The following MIPEP variants were observed in gnomAD, a reference collection of about 807,000 sequenced individuals.
The protein encoded by MIPEP is mitochondrial intermediate peptidase.
Under a neutral mutation model 90.3 loss-of-function variants are expected in MIPEP, and 79 were observed. The observed-to-expected ratio is 0.87, with a 90% CI of 0.73 to 1.05. The LOEUF is 1.05. MIPEP is among the 50% of genes least tolerant of loss of function. MIPEP has a pLI of 0.00. For synonymous variants in MIPEP, 334 were observed against 315.8 expected (o/e 1.06, Z -0.61); for missense variants, 940 against 905.6 (o/e 1.04, Z -0.49).
chr13:23,847,593 C>T (rs1869605872), intron 10 of MIPEP, among the ~76,000 whole-genome samples: 1 of 152,002 alleles, frequency 6.6e-6, no homozygotes, highest in Non-Finnish European at 1.5e-5. Context: ...GACTGACAGG[C>T]CTATAAACCA....
chr13:23,776,829 A>AG (rs1490737719), intron 16 of MIPEP, among the ~76,000 whole-genome samples: 1 of 152,044 alleles, frequency 6.6e-6, no homozygotes, highest in Admixed American at 6.6e-5. Context: ...TAAAAAAAAA[A>AG]AAGAAGAAAA....
intron 14 of MIPEP, among the ~76,000 whole-genome samples, chr13:23,817,973 AAAAAT>A (rs1953261079): frequency 1.3e-5 from 2 of 152,216 alleles, no homozygotes; most frequent in African/African-American, 4.8e-5. Context: ...ATGAAAGCAG[AAAAAT>A]AAAATGAGGT....
chr13:23,816,645 T>A (rs1366483891), intron 14 of MIPEP, among the ~76,000 whole-genome samples: 1 of 152,184 alleles, frequency 6.6e-6, no homozygotes, highest in Admixed American at 6.5e-5. Context: ...GTTATTCTAG[T>A]TGTTAGTTAT....
intron 16 of MIPEP, among the ~76,000 whole-genome samples, chr13:23,793,641 T>C (rs1035725104): frequency 3.9e-5 from 6 of 152,078 alleles, no homozygotes; most frequent in Non-Finnish European, 1.5e-5. Context: ...ATGCTGTTCT[T>C]TGAGGTTCAC....
intron 14 of MIPEP, among the ~76,000 whole-genome samples, chr13:23,816,951 G>A (rs1000377121): frequency 2.0e-5 from 3 of 152,112 alleles, no homozygotes; most frequent in Admixed American, 6.6e-5. Flanking sequence ...CCCTTTGTAC[G>A]GCAGTCAACC....
rs1453811015 is a variant in MIPEP, at chr13:23,882,295, T to G, written c.364-508A>C. Among the ~76,000 whole-genome samples the G allele has an allele frequency of 2.6e-5, 4 of 152,294 alleles. 1 individual carries two copies. Among genetic ancestry groups the G allele is most frequent in the Non-Finnish European group, 1.5e-5 (1 of 68,002 alleles). The stretch of plus-strand genomic sequence containing the variant: ...ATATTCTACAACTTTCTGGCTAAAA[T>G]TCTTTGCAGTATGGTTTTCACATGT... On this transcript the variant is annotated intron_variant, in intron 2 of 18. Transcript: ENST00000382172.
chr13:23,880,922 T>C (rs1310464820), intron 3 of MIPEP, among the ~76,000 whole-genome samples: 5 of 152,208 alleles, frequency 3.3e-5, no homozygotes, highest in Non-Finnish European at 7.3e-5. Context: ...TTTTCCCTGT[T>C]GTAAATCCAC....
chr13:23,882,784 G>A (rs1018158681), intron 2 of MIPEP, among the ~76,000 whole-genome samples: 13 of 151,898 alleles, frequency 8.6e-5, no homozygotes, highest in Non-Finnish European at 1.5e-4. Flanking sequence ...TGGTATATTT[G>A]TTGTAACAAT....
At chr13:23,743,294 T>C (rs577722943) in intron 18 of MIPEP, among the ~76,000 whole-genome samples, 1 of 152,322 alleles carries the variant, frequency 6.6e-6, no homozygotes, top group Admixed American at 6.5e-5. Context: ...CTTAAGTGAA[T>C]TTTATGAGAT....
intron 16 of MIPEP, among the ~76,000 whole-genome samples, chr13:23,780,346 T>C (rs1952767106): frequency 6.6e-6 from 1 of 152,188 alleles, no homozygotes; most frequent in South Asian, 2.1e-4. Flanking sequence ...GCAAACTGGG[T>C]CTGGAGTGGA....
At chr13:23,760,558 T>C in intron 16 of MIPEP, 1 of 549,266 alleles carries the variant, frequency 1.8e-6, no homozygotes, top group Non-Finnish European at 3.7e-6. Flanking sequence ...GGAGGAAAGG[T>C]GGATGCCAGG....
chr13:23,812,106 C>G (rs1953178106), intron 14 of MIPEP, among the ~76,000 whole-genome samples: 1 of 152,150 alleles, frequency 6.6e-6, no homozygotes, highest in African/African-American at 2.4e-5. Context: ...GGGGCACAAA[C>G]AGTGGGCAAC....
rs141767024 is a variant in MIPEP at position 23,807,265 on chromosome 13, A to G, written c.1729-1196T>C. ...AAGCATTTTTTCACTGCAACATCTG[A>G]CTCAAATATTGTTTTTCAACACTGA... is the stretch of plus-strand genomic sequence containing the variant. On this transcript the variant is annotated intron_variant, in intron 15 of 18. Transcript: ENST00000382172. 3.7e-3 allele frequency among the ~76,000 whole-genome samples: 562 copies of G among 152,350 alleles called. 5 individuals are homozygous for G. Among genetic ancestry groups the G allele is most frequent in the Non-Finnish European group, 5.0e-3 (340 of 68,036 alleles).
rs538309397 is a variant in MIPEP at position 23,881,100 on chromosome 13, AAAT to A, written c.452+596_452+598del. ...TCACATTTACCCCAAAATCACTTTA[AAAT>A]AATTCACTCTATCACAGCCTCAGCC... On this transcript the variant is annotated intron_variant, in intron 3 of 18. Transcript: ENST00000382172. Among the ~76,000 whole-genome samples the A allele has an allele frequency of 1.6e-4, 24 of 152,312 alleles. No homozygotes were observed. In the South Asian group the frequency reaches 5.0e-3, roughly 32 times the overall value.
intron 10 of MIPEP, among the ~76,000 whole-genome samples, chr13:23,857,837 A>T (rs1870113221): frequency 6.6e-6 from 1 of 152,232 alleles, no homozygotes; most frequent in Admixed American, 6.5e-5. Flanking sequence ...GCTGAAATAA[A>T]TAATTAAGCA....
intron 3 of MIPEP, among the ~76,000 whole-genome samples, chr13:23,880,683 T>A (rs1871238064): frequency 6.6e-6 from 1 of 152,174 alleles, no homozygotes; most frequent in African/African-American, 2.4e-5. Flanking sequence ...GTATCTGCAC[T>A]CTGCAGGGCC....
chr13:23,746,015 C>CTTTTTTT (rs34752143), intron 18 of MIPEP, among the ~76,000 whole-genome samples: 1 of 135,034 alleles, frequency 7.4e-6, no homozygotes, highest in Admixed American at 7.4e-5. Flanking sequence ...ACTCAGCACA[C>CTTTTTTT]TTTTTTTTTT....
chr13:23,871,216 C>T (rs1870792282), intron 5 of MIPEP, among the ~76,000 whole-genome samples: 1 of 152,154 alleles, frequency 6.6e-6, no homozygotes, highest in African/African-American at 2.4e-5. Flanking sequence ...GTGGATGGTG[C>T]GGACACATCT....
rs1291832420 is a variant in MIPEP, at chr13:23,881,786, G to C, written c.365C>G (p.Ala122Gly). The C allele has an allele frequency of 1.9e-6, 3 of 1,612,104 alleles. No individual in the cohort carries two copies. The highest frequency in any genetic ancestry group is 1.1e-5 in the South Asian group (1 of 90,832). The change falls in exon 3 of 19, where the codon GCT becomes GGT. Residue 122 changes from alanine (A) to glycine (G), a missense_variant and splice_region_variant. Coordinates refer to ENST00000382172, the MANE Select transcript of MIPEP (RefSeq NM_005932.4). ...SDSLCRVADL[A>G]DFVKIAHPEP... ...AGGGTGAGCGATTTTCACAAAATCA[G>C]CCTAATAAAGGGGAAAGACAAAACC...
Sources: allele counts gnomAD v4.1 joint callset (sites outside exome capture counted in the v4.1 genomes callset), GRCh38; gene constraint gnomAD v4.1.1; transcripts MANE v1.5; gene names NCBI Gene and HGNC (gene_info 2026-07-23, HGNC 2026-07-21).